The following MCOLN3 variants were observed in gnomAD, a reference collection of about 807,000 sequenced individuals.
MCOLN3 encodes mucolipin-3.
In MCOLN3, 62 loss-of-function variants were observed where a neutral mutation model predicts 69.4. The observed-to-expected ratio is 0.89, with a 90% CI of 0.73 to 1.10. MCOLN3 has a LOEUF of 1.10. MCOLN3 is among the 50% of genes least tolerant of loss of function. The probability of loss-of-function intolerance (pLI) is 0.00; values close to 1 mark genes in which losing one functional copy is unlikely to be tolerated. For synonymous variants in MCOLN3, 183 were observed against 217.0 expected (o/e 0.84, Z 1.38); for missense variants, 564 against 656.4 (o/e 0.86, Z 1.54).
chr1:85,031,139 C>T (rs772262666), intron 6 of MCOLN3, among the ~76,000 whole-genome samples: 1 of 151,878 alleles, frequency 6.6e-6, no homozygotes, highest in East Asian at 1.9e-4. Flanking sequence ...GGCGTGGTAA[C>T]GTGTGCCTGT....
In MCOLN3 at chr1:85,034,059, T is replaced by C. The variant is rs767717299; in HGVS notation, c.550+39A>G. 5 of 1,589,264 alleles carry C rather than the reference T, an allele frequency of 3.1e-6. No homozygotes were observed. The Admixed American group carries it at 8.5e-5, about 27-fold the overall frequency. On this transcript the variant is annotated intron_variant, in intron 4 of 12. Transcript: ENST00000370589. ...TACTAATTTTAAATATAAATTGAGG[T>C]GTTAAAAATTGAGGTTCTAGGTTAT...
rs1250506275 is a variant in MCOLN3 at position 85,041,150 on chromosome 1, T to A, written c.256A>T (p.Met86Leu). 1 of 1,613,556 alleles carries A rather than the reference T, an allele frequency of 6.2e-7. No individual in the cohort carries two copies. The highest frequency in any genetic ancestry group is 8.5e-7 in the Non-Finnish European group (1 of 1,179,930). Residue 86 changes from methionine (M) to leucine (L), a missense_variant, in exon 3 of 13, where the codon ATG becomes TTG. Transcript: ENST00000370589. ...QLVLFGLSNQMVVAFKEENTI... is the reference protein window; with the variant it reads ...QLVLFGLSNQLVVAFKEENTI... ...TTCTCTTCCTTGAAAGCTACCACCATCTGGTTACTTAGCCCAAATAAGACC... is the reference window on the plus strand; with the variant it reads ...TTCTCTTCCTTGAAAGCTACCACCAACTGGTTACTTAGCCCAAATAAGACC...
At chr1:85,032,549 C>G in intron 6 of MCOLN3, 147 bp downstream of exon 6, 1 of 686,820 alleles carries the variant, frequency 1.5e-6, no homozygotes. Flanking sequence ...CAAAATAGAG[C>G]TAGATGTATC....
chr1:85,028,814 C>T (rs910831516), intron 7 of MCOLN3, among the ~76,000 whole-genome samples: 3 of 151,994 alleles, frequency 2.0e-5, no homozygotes, highest in Non-Finnish European at 4.4e-5. Flanking sequence ...AGCATGCACT[C>T]GGTAAGTGTT....
intron 9 of MCOLN3, chr1:85,025,720 A>T: frequency 2.0e-6 from 1 of 505,850 alleles, no homozygotes; most frequent in South Asian, 2.3e-5. Flanking sequence ...CCAGGCACCC[A>T]ATGATTCTGA....
intron 3 of MCOLN3, among the ~76,000 whole-genome samples, chr1:85,040,060 C>A (rs1488369219): frequency 2.6e-5 from 4 of 152,038 alleles, no homozygotes; most frequent in South Asian, 2.1e-4. Context: ...TTTAGAGAAA[C>A]GTAATATACT....
Position 85,034,252 on chromosome 1 carries a change from C to T in MCOLN3, c.397-1G>A. 1 of 1,613,980 alleles carries T rather than the reference C, an allele frequency of 6.2e-7. No homozygotes were observed. Among genetic ancestry groups the T allele is most frequent in the Non-Finnish European group, 8.5e-7 (1 of 1,179,888 alleles). On this transcript the variant is annotated splice_acceptor_variant, in intron 3 of 12. Coordinates refer to ENST00000370589, the MANE Select transcript of MCOLN3 (RefSeq NM_018298.11). LOFTEE classifies it high-confidence loss of function. ...CGGAGACATTGTATAGCTGCAAGTACTTCAACCAAAATGAGAAACAGAAAA... is the reference window on the plus strand; with the variant it reads ...CGGAGACATTGTATAGCTGCAAGTATTTCAACCAAAATGAGAAACAGAAAA...
intron 3 of MCOLN3, among the ~76,000 whole-genome samples, chr1:85,039,612 A>G (rs1173521388): frequency 6.6e-6 from 1 of 152,222 alleles, no homozygotes; most frequent in Non-Finnish European, 1.5e-5. Flanking sequence ...CTGAAAAAGC[A>G]GAATGGCCTA....
At chr1:85,038,098 C>A (rs962095192) in intron 3 of MCOLN3, among the ~76,000 whole-genome samples, 20 of 152,018 alleles carry the variant, frequency 1.3e-4, no homozygotes, top group Non-Finnish European at 4.4e-5. Flanking sequence ...CCCGGAAGAC[C>A]CTGAGGCCTT....
rs971545421 is a variant in MCOLN3, at chr1:85,032,685, C to T, written c.732+11G>A. 5.0e-6 allele frequency: 8 copies of T among 1,596,300 alleles called. No homozygotes were observed. The African/African-American group carries it at 8.0e-5, about 16-fold the overall frequency. On this transcript the variant is annotated intron_variant, in intron 6 of 12. Coordinates refer to ENST00000370589, the MANE Select transcript of MCOLN3 (RefSeq NM_018298.11). ...CAGACTGGAACCAAATTCAGCCTGGCCCACACTTACAGTCAGAGTAAAGTC... is the reference window on the plus strand; with the variant it reads ...CAGACTGGAACCAAATTCAGCCTGGTCCACACTTACAGTCAGAGTAAAGTC...
chr1:85,019,377 T>C, intron 12 of MCOLN3, 120 bp from the exon 13 acceptor site: 1 of 931,512 alleles, frequency 1.1e-6, no homozygotes, highest in South Asian at 1.7e-5. Flanking sequence ...GTATCGTTAC[T>C]CCTGAGTACC....
chr1:85,044,539 G>A (rs1479637103), intron 2 of MCOLN3, among the ~76,000 whole-genome samples: 7 of 152,092 alleles, frequency 4.6e-5, no homozygotes, highest in African/African-American at 1.7e-4. Context: ...ACAAAATATG[G>A]TTCCCCCTTT....
Position 85,045,271 on chromosome 1 carries a change from C to T in MCOLN3, c.90G>A (p.Glu30=). The T allele has an allele frequency of 6.2e-7, 1 of 1,614,082 alleles. No homozygotes were observed. Among genetic ancestry groups the T allele is most frequent in the Non-Finnish European group, 8.5e-7 (1 of 1,180,020 alleles). ...TCATCTGGTCTTCTAATAGAAGCTCCTCAGATGGAGATGTTTGCTGGTTAA... is the reference window on the plus strand; with the variant it reads ...TCATCTGGTCTTCTAATAGAAGCTCTTCAGATGGAGATGTTTGCTGGTTAA... ...CNFNQQTSPS[E]ELLLEDQMRR... is the part of the protein sequence containing the mutation. Residue 30 remains glutamate (E), a synonymous_variant, in exon 2 of 13, where the codon GAG becomes GAA. Transcript: ENST00000370589.
intron 12 of MCOLN3, among the ~76,000 whole-genome samples, chr1:85,019,984 G>A (rs890451617): frequency 1.3e-4 from 20 of 152,198 alleles, no homozygotes; most frequent in African/African-American, 4.6e-4. Context: ...AGAGGTTAGC[G>A]TCTAAAATAC....
rs1318849248 is a variant in MCOLN3 at position 85,045,222 on chromosome 1, T to C, written c.139A>G (p.Met47Val). The change falls in exon 2 of 13, where the codon ATG (methionine) becomes GTG (valine). Residue 47 changes from methionine (M) to valine (V), a missense_variant. By Grantham distance (21) the Met-to-Val change is conservative. Transcript: ENST00000370589. ...GCCCAGAACTTCTCACAGGGATTCA[T>C]GAAAAAAAATTTGAGTTTTCGCCTC... is the stretch of plus-strand genomic sequence containing the variant. ...QMRRKLKFFF[M>V]NPCEKFWARG... is the part of the protein sequence containing the mutation. 8.1e-6 allele frequency: 13 copies of C among 1,614,094 alleles called. No individual in the cohort carries two copies. The highest frequency in any genetic ancestry group is 2.7e-5 in the African/African-American group (2 of 75,046).
chr1:85,022,028 T>G (rs1182268637), intron 11 of MCOLN3, 42 bp downstream of exon 11: 1 of 1,591,250 alleles, frequency 6.3e-7, no homozygotes, highest in Admixed American at 1.8e-5. Context: ...GGCACTATGC[T>G]AAAAGCTTAA....
chr1:85,024,170 A>T lies in MCOLN3; in HGVS notation c.1095+1769T>A, dbSNP rs563499578. ...TGAAATCCTGTCTCTTAAAAAAAAC[A>T]GGTGGGGGAGGGGAGGAGCAGAATC... On this transcript the variant is annotated intron_variant, in intron 9 of 12. Coordinates refer to ENST00000370589, the MANE Select transcript of MCOLN3 (RefSeq NM_018298.11). 2.6e-5 allele frequency among the ~76,000 whole-genome samples: 4 copies of T among 151,928 alleles called. No homozygotes were observed. In the East Asian group the frequency reaches 7.8e-4, roughly 29 times the overall value.
chr1:85,038,761 C>T (rs1183411353), intron 3 of MCOLN3, among the ~76,000 whole-genome samples: 2 of 152,044 alleles, frequency 1.3e-5, no homozygotes, highest in Admixed American at 6.6e-5. Flanking sequence ...GAGGCCAAGG[C>T]GGGCAGATCA....
intron 2 of MCOLN3, among the ~76,000 whole-genome samples, chr1:85,043,346 A>G (rs1053526634): frequency 1.3e-4 from 20 of 152,114 alleles, no homozygotes; most frequent in African/African-American, 3.4e-4. Flanking sequence ...CCTGGCCAAC[A>G]TGGTGAAACC....
Sources: allele counts gnomAD v4.1 joint callset (sites outside exome capture counted in the v4.1 genomes callset), GRCh38; gene constraint gnomAD v4.1.1; transcripts MANE v1.5; gene names NCBI Gene and HGNC (gene_info 2026-07-23, HGNC 2026-07-21).